The following DPY19L1 variants were observed in gnomAD, a reference collection of about 807,000 sequenced individuals.
The protein encoded by DPY19L1 is protein C-mannosyl-transferase DPY19L1.
Under a neutral mutation model 96.9 loss-of-function variants are expected in DPY19L1, and 35 were observed. The ratio of observed to expected loss-of-function variants is 0.36; its 90% CI spans 0.28 to 0.48. The LOEUF is 0.48. Ranked by LOEUF, DPY19L1 falls within the 20% of genes least tolerant of loss-of-function variation. DPY19L1 has a pLI of 0.99. For missense variants in DPY19L1, 521 were observed against 777.9 expected (o/e 0.67, Z 3.93); for synonymous variants, 205 against 252.6 (o/e 0.81, Z 1.79).
At chr7:35,010,676 T>C in intron 5 of DPY19L1, 115 bp from the exon 6 acceptor site, 1 of 737,160 alleles carries the variant, frequency 1.4e-6, no homozygotes, top group East Asian at 2.8e-5. Flanking sequence ...ATATATTAAA[T>C]AGCTGCCTTG....
At chr7:34,980,900 A>G (rs1189986192) in intron 7 of DPY19L1, among the ~76,000 whole-genome samples, 1 of 152,224 alleles carries the variant, frequency 6.6e-6, no homozygotes, top group African/African-American at 2.4e-5. Context: ...TATCACAGAC[A>G]TATGTTGAGA....
At chr7:34,935,528 C>A (rs1194960829) in intron 21 of DPY19L1, among the ~76,000 whole-genome samples, 3 of 152,112 alleles carry the variant, frequency 2.0e-5, no homozygotes, top group Admixed American at 6.5e-5. Context: ...TCAAGCCATA[C>A]AATTAAGCCA....
intron 19 of DPY19L1, 95 bp from the exon 20 acceptor site, chr7:34,939,470 C>T (rs3735410): frequency 0.18 from 185,016 of 1,040,316 alleles, 18,543 homozygotes; most frequent in Admixed American, 0.41. Context: ...GGTAACAGAG[C>T]GGAAGCCCAG....
rs545572846 is a variant in DPY19L1, at chr7:34,954,728, C to G, written c.1290G>C (p.Leu430Phe). ...CTGCAATACCAAAAATTTTAGATGT[C>G]AAGTATTTAAGTATGACAGTTCCAA... ...WLFGTVILKY[L>F]TSKIFGIADD... The change falls in exon 13 of 22, where the codon TTG becomes TTC. Residue 430 changes from leucine to phenylalanine, a missense_variant. Physicochemically the swap from Leu to Phe is conservative, Grantham distance 22. Transcript: ENST00000638088. The G allele has an allele frequency of 1.3e-6, 2 of 1,566,630 alleles. No homozygotes were observed. Among genetic ancestry groups the G allele is most frequent in the East Asian group, 2.3e-5 (1 of 44,038 alleles).
chr7:35,006,839 A>T (rs373419733), intron 6 of DPY19L1, among the ~76,000 whole-genome samples: 1 of 152,182 alleles, frequency 6.6e-6, no homozygotes, highest in Non-Finnish European at 1.5e-5. Flanking sequence ...CTAAAAACTT[A>T]TATGTATATT....
intron 7 of DPY19L1, among the ~76,000 whole-genome samples, chr7:34,976,157 T>C (rs1000882590): frequency 6.6e-6 from 1 of 152,216 alleles, no homozygotes; most frequent in Non-Finnish European, 1.5e-5. Context: ...TTAAATCTTC[T>C]GGAGTGGATT....
intron 21 of DPY19L1, among the ~76,000 whole-genome samples, chr7:34,933,249 C>G (rs1783794464): frequency 6.6e-6 from 1 of 152,174 alleles, no homozygotes; most frequent in Non-Finnish European, 1.5e-5. Flanking sequence ...ACCACCAGAG[C>G]AGTGTAAAGT....
chr7:34,971,922 G>A (rs562179863), intron 8 of DPY19L1, among the ~76,000 whole-genome samples: 1 of 152,328 alleles, frequency 6.6e-6, no homozygotes, highest in African/African-American at 2.4e-5. Context: ...CAGATGGAAT[G>A]AAGATGACTA....
chr7:35,020,488 A>G (rs1291049184), intron 1 of DPY19L1, among the ~76,000 whole-genome samples: 1 of 152,230 alleles, frequency 6.6e-6, no homozygotes, highest in Non-Finnish European at 1.5e-5. Flanking sequence ...GAAAAATTCT[A>G]CAGGTATTGT....
chr7:35,005,380 G>A (rs1379881896), intron 6 of DPY19L1, among the ~76,000 whole-genome samples: 1 of 151,580 alleles, frequency 6.6e-6, no homozygotes, highest in African/African-American at 2.4e-5. Context: ...GGGCTGCTAA[G>A]TAAGCAGCTG....
chr7:35,009,636 T>G (rs1428334284), intron 6 of DPY19L1, among the ~76,000 whole-genome samples: 3 of 152,172 alleles, frequency 2.0e-5, no homozygotes, highest in African/African-American at 7.2e-5. Context: ...GTAAACAATA[T>G]ATACTGGATG....
intron 6 of DPY19L1, among the ~76,000 whole-genome samples, chr7:35,005,005 G>A (rs1254896070): frequency 1.3e-5 from 2 of 152,154 alleles, no homozygotes; most frequent in Non-Finnish European, 2.9e-5. Flanking sequence ...AGGCTGAAGA[G>A]TCTAAAAATC....
At chr7:34,939,632 G>GA (rs1308218866) in intron 19 of DPY19L1, among the ~76,000 whole-genome samples, 5 of 152,046 alleles carry the variant, frequency 3.3e-5, no homozygotes, top group Admixed American at 1.3e-4. Flanking sequence ...TTTCTTTAAA[G>GA]AAAAAATCTT....
At chr7:34,955,184 A>G in intron 12 of DPY19L1, 124 bp downstream of exon 12, 2 of 1,198,546 alleles carry the variant, frequency 1.7e-6, no homozygotes, top group Non-Finnish European at 2.3e-6. Flanking sequence ...ACTGAGCCCT[A>G]AAATACTATA....
intron 13 of DPY19L1, among the ~76,000 whole-genome samples, chr7:34,951,697 C>CA (rs1198443071): frequency 6.6e-6 from 1 of 150,806 alleles, no homozygotes; most frequent in Non-Finnish European, 1.5e-5. Flanking sequence ...GAATTGGTGA[C>CA]AAAGAGAAAC....
At chr7:34,959,887 AT>A (rs1173363029) in intron 10 of DPY19L1, among the ~76,000 whole-genome samples, 3 of 129,342 alleles carry the variant, frequency 2.3e-5, no homozygotes, top group African/African-American at 8.9e-5. Flanking sequence ...ATATATGTTT[AT>A]TTGTATATAA....
intron 10 of DPY19L1, 59 bp from the exon 11 acceptor site, chr7:34,958,129 T>C: frequency 8.0e-7 from 1 of 1,256,574 alleles, no homozygotes; most frequent in Non-Finnish European, 1.1e-6. Context: ...ACCTTTGTTT[T>C]TTATTGTGAA....
intron 7 of DPY19L1, among the ~76,000 whole-genome samples, chr7:34,980,423 AC>A (rs1318022580): frequency 6.6e-6 from 1 of 152,128 alleles, no homozygotes; most frequent in East Asian, 1.9e-4. Context: ...GATAAATGGA[AC>A]TTCATGAAAA....
At chr7:34,976,724 T>C (rs1228555191) in intron 7 of DPY19L1, among the ~76,000 whole-genome samples, 1 of 152,184 alleles carries the variant, frequency 6.6e-6, no homozygotes, top group Non-Finnish European at 1.5e-5. Flanking sequence ...TCAGAAGTTA[T>C]CAACATCAAA....
Sources: allele counts gnomAD v4.1 joint callset (sites outside exome capture counted in the v4.1 genomes callset), GRCh38; gene constraint gnomAD v4.1.1; transcripts MANE v1.5; gene names NCBI Gene and HGNC (gene_info 2026-07-23, HGNC 2026-07-21).